SPAG16: variants seen among roughly 807,000 people sequenced by gnomAD.
SPAG16 encodes the protein sperm associated antigen 16.
SPAG16 carries 86 observed loss-of-function variants against 80.4 expected under a neutral mutation model. The ratio of observed to expected loss-of-function variants is 1.07; its 90% CI spans 0.90 to 1.28. The LOEUF (loss-of-function observed/expected upper bound fraction) is 1.28. Ranked by LOEUF, SPAG16 falls within the 50% of genes most tolerant of loss-of-function variation. The probability of loss-of-function intolerance (pLI) is 0.00; values close to 1 mark genes in which losing one functional copy is unlikely to be tolerated. For missense variants in SPAG16, 870 were observed against 765.3 expected, an observed-to-expected ratio of 1.14 and a Z score of -1.61; for synonymous variants, 294 against 265.9, an observed-to-expected ratio of 1.11 and a Z score of -1.03.
chr2:213,354,264 A>T (rs2065501388), intron 7 of SPAG16, among the ~76,000 whole-genome samples: 1 of 152,144 alleles, frequency 6.6e-6, no homozygotes, highest in Non-Finnish European at 1.5e-5. Flanking sequence ...TATGTGCCAC[A>T]CTTTCTTAAT....
At chr2:214,172,496 A>G (rs569804423) in intron 15 of SPAG16, among the ~76,000 whole-genome samples, 1 of 152,222 alleles carries the variant, frequency 6.6e-6, no homozygotes, top group Non-Finnish European at 1.5e-5. Context: ...AATACAGTCT[A>G]TCATTGACGG....
chr2:214,184,009 C>T (rs142290920), intron 15 of SPAG16, among the ~76,000 whole-genome samples: 79 of 152,130 alleles, frequency 5.2e-4, no homozygotes, highest in African/African-American at 1.8e-3. Context: ...CTTTACTATA[C>T]ATGTATTTAT....
intron 15 of SPAG16, among the ~76,000 whole-genome samples, chr2:214,164,150 A>G (rs1394698096): frequency 6.6e-6 from 1 of 152,116 alleles, no homozygotes; most frequent in African/African-American, 2.4e-5. Context: ...GACAGTAAAA[A>G]TAGAGCAATG....
intron 10 of SPAG16, among the ~76,000 whole-genome samples, chr2:213,556,038 T>G (rs905965373): frequency 6.6e-6 from 1 of 152,066 alleles, no homozygotes; most frequent in African/African-American, 2.4e-5. Context: ...AACTGTTTTA[T>G]GTAAGAATTT....
intron 9 of SPAG16, among the ~76,000 whole-genome samples, chr2:213,376,714 T>A (rs573734853): frequency 6.6e-6 from 1 of 152,180 alleles, no homozygotes; most frequent in Non-Finnish European, 1.5e-5. Flanking sequence ...TTGTCATAAT[T>A]GATAACATTT....
chr2:213,473,431 C>T (rs2073196465), intron 9 of SPAG16, among the ~76,000 whole-genome samples: 1 of 152,128 alleles, frequency 6.6e-6, no homozygotes, highest in Admixed American at 6.6e-5. Context: ...GTGCTATCCT[C>T]ACAAATCTAT....
chr2:213,882,693 T>C (rs1181365740), intron 11 of SPAG16, among the ~76,000 whole-genome samples: 3 of 152,218 alleles, frequency 2.0e-5, no homozygotes, highest in Non-Finnish European at 1.5e-5. Context: ...TCTTCTCTTT[T>C]TTTGTTAATC....
intron 10 of SPAG16, among the ~76,000 whole-genome samples, chr2:213,533,186 T>C (rs2076129538): frequency 6.6e-6 from 1 of 152,176 alleles, no homozygotes; most frequent in South Asian, 2.1e-4. Context: ...ATGTCCCCTA[T>C]TTTTCATATA....
chr2:214,272,702 T>C (rs1692125858), intron 15 of SPAG16, among the ~76,000 whole-genome samples: 1 of 152,224 alleles, frequency 6.6e-6, no homozygotes, highest in East Asian at 1.9e-4. Flanking sequence ...TGATGGATAG[T>C]TGGGTTGGTT....
At chr2:214,390,133 C>A (rs1048064882) in intron 15 of SPAG16, among the ~76,000 whole-genome samples, 4 of 152,038 alleles carry the variant, frequency 2.6e-5, no homozygotes, top group African/African-American at 9.7e-5. Flanking sequence ...AAAATATATA[C>A]ACATTTTGTA....
intron 15 of SPAG16, among the ~76,000 whole-genome samples, chr2:214,372,105 A>G (rs1228422671): frequency 1.3e-5 from 2 of 152,126 alleles, no homozygotes; most frequent in South Asian, 2.1e-4. Context: ...CCTCTTTTGC[A>G]TAAAATTGAT....
intron 13 of SPAG16, among the ~76,000 whole-genome samples, chr2:214,061,981 G>GCGCA (rs1368775011): frequency 2.7e-5 from 3 of 111,538 alleles, no homozygotes; most frequent in South Asian, 3.0e-4. Flanking sequence ...ATAAAAGCAT[G>GCGCA]CACACACACA....
intron 15 of SPAG16, among the ~76,000 whole-genome samples, chr2:214,276,490 G>A (rs1359688180): frequency 3.3e-5 from 5 of 152,144 alleles, no homozygotes; most frequent in African/African-American, 9.7e-5. Flanking sequence ...GGCAGGCCTG[G>A]TGGTGACAAA....
At chr2:214,156,768 T>C (rs1178001901) in intron 15 of SPAG16, among the ~76,000 whole-genome samples, 1 of 152,088 alleles carries the variant, frequency 6.6e-6, no homozygotes, top group Non-Finnish European at 1.5e-5. Flanking sequence ...TACTCTAACC[T>C]GGATGAGTGA....
intron 9 of SPAG16, among the ~76,000 whole-genome samples, chr2:213,402,627 C>A (rs1436953202): frequency 6.6e-6 from 1 of 151,308 alleles, no homozygotes. Flanking sequence ...CTTCCTGTGT[C>A]CATGTGTTCT....
intron 10 of SPAG16, among the ~76,000 whole-genome samples, chr2:213,756,972 G>C (rs1018651514): frequency 6.6e-6 from 1 of 152,110 alleles, no homozygotes; most frequent in Admixed American, 6.5e-5. Flanking sequence ...GAAATGGAAT[G>C]TAAAAAATCC....
At chr2:214,054,495 A>T (rs2049831841) in intron 13 of SPAG16, among the ~76,000 whole-genome samples, 1 of 152,212 alleles carries the variant, frequency 6.6e-6, no homozygotes, top group African/African-American at 2.4e-5. Flanking sequence ...TGAGAATAAA[A>T]TACTTCCTTT....
chr2:213,464,381 T>G (rs945128387), intron 9 of SPAG16, among the ~76,000 whole-genome samples: 6 of 152,192 alleles, frequency 3.9e-5, no homozygotes, highest in African/African-American at 1.2e-4. Context: ...CCAAGCACCA[T>G]GAAGATGGTA....
chr2:213,694,736 C>G (rs985128024), intron 10 of SPAG16, among the ~76,000 whole-genome samples: 1 of 151,110 alleles, frequency 6.6e-6, no homozygotes, highest in South Asian at 2.1e-4. Context: ...TTGCATTCCT[C>G]TCTTCTTGCC....
Sources: allele counts gnomAD v4.1 joint callset (sites outside exome capture counted in the v4.1 genomes callset), GRCh38; gene constraint gnomAD v4.1.1; transcripts MANE v1.5; gene names NCBI Gene and HGNC (gene_info 2026-07-23, HGNC 2026-07-21).